EPHA5: variants seen among roughly 807,000 people sequenced by gnomAD.
EPHA5 encodes EPH receptor A5, also known as ephrin type-A receptor 5.
In EPHA5, 60 loss-of-function variants were observed where a neutral mutation model predicts 105.0. That is an observed-to-expected ratio of 0.57 (90% CI 0.46 to 0.71). EPHA5 has a LOEUF of 0.71. EPHA5 is among the 30% of genes least tolerant of loss of function. EPHA5 has a pLI of 0.00. For synonymous variants in EPHA5, 513 were observed against 449.1 expected (o/e 1.14, Z -1.80); for missense variants, 1,218 against 1,274.7 (o/e 0.96, Z 0.68).
chr4:65,379,938 C>T lies in EPHA5; in HGVS notation c.1794-12514G>A, dbSNP rs181878315. 4.2e-4 allele frequency among the ~76,000 whole-genome samples: 64 copies of T among 151,838 alleles called. No homozygotes were observed. The East Asian group carries it at 0.012, about 28-fold the overall frequency. On this transcript the variant is annotated intron_variant, in intron 8 of 16. Coordinates refer to ENST00000613740, the MANE Select transcript of EPHA5 (RefSeq NM_001281766.3). ...AACATCTGAAGTTTAACAATGGCCCCCTAATAACCTTTTAAAATAATTTCT... is the reference window on the plus strand; with the variant it reads ...AACATCTGAAGTTTAACAATGGCCCTCTAATAACCTTTTAAAATAATTTCT...
chr4:65,486,121 A>G (rs1730854617), intron 5 of EPHA5, among the ~76,000 whole-genome samples: 1 of 152,138 alleles, frequency 6.6e-6, no homozygotes, highest in African/African-American at 2.4e-5. Context: ...TACCTGGGAG[A>G]CTTTATTTTT....
chr4:65,473,982 G>C (rs1489513674), intron 5 of EPHA5, among the ~76,000 whole-genome samples: 3 of 148,324 alleles, frequency 2.0e-5, no homozygotes, highest in African/African-American at 7.5e-5. Context: ...TTTACACTTG[G>C]ACACAGGAAG....
intron 9 of EPHA5, among the ~76,000 whole-genome samples, chr4:65,366,775 A>G (rs1176234628): frequency 1.3e-5 from 2 of 151,992 alleles, no homozygotes; most frequent in African/African-American, 2.4e-5. Context: ...CACTTGGCAA[A>G]TCAATTCACA....
At position 65,351,372 on chromosome 4, in the gene EPHA5, A is replaced by G. The variant is rs202005571; in HGVS notation, c.2445+17T>C. The G allele has an allele frequency of 2.5e-5, 40 of 1,610,050 alleles. No homozygotes were observed. The East Asian group carries it at 8.5e-4, about 34-fold the overall frequency. ...GCTCTGGTCTAGTGTTTAGAAATGC[A>G]CTCTGTTAGATCTTACCCTTGTGGT... On this transcript the variant is annotated intron_variant, in intron 13 of 16. Transcript: ENST00000613740.
intron 5 of EPHA5, among the ~76,000 whole-genome samples, chr4:65,430,550 A>C (rs1439878942): frequency 7.5e-6 from 1 of 134,088 alleles, no homozygotes; most frequent in Non-Finnish European, 1.6e-5. Flanking sequence ...TATGTGCCAG[A>C]CAGTTTATAG....
chr4:65,396,729 C>A (rs890046595), intron 8 of EPHA5, among the ~76,000 whole-genome samples: 1 of 152,096 alleles, frequency 6.6e-6, no homozygotes, highest in Non-Finnish European at 1.5e-5. Flanking sequence ...CAAAGAGGGG[C>A]CTTGGTAAAG....
intron 11 of EPHA5, among the ~76,000 whole-genome samples, chr4:65,361,264 C>T (rs1263783046): frequency 3.3e-5 from 5 of 151,486 alleles, no homozygotes; most frequent in African/African-American, 1.2e-4. Flanking sequence ...TCATAGAGGT[C>T]ACATTTGAAT....
At chr4:65,570,470 C>T (rs1740013133) in intron 3 of EPHA5, among the ~76,000 whole-genome samples, 1 of 151,258 alleles carries the variant, frequency 6.6e-6, no homozygotes, top group African/African-American at 2.4e-5. Context: ...CCACTCTACC[C>T]TCATACATAT....
intron 14 of EPHA5, among the ~76,000 whole-genome samples, chr4:65,340,263 G>T (rs78348863): frequency 0.019 from 2,842 of 152,194 alleles, 37 homozygotes; most frequent in Non-Finnish European, 0.029. Flanking sequence ...GAAAGTATGG[G>T]TGTTATTCTT....
At chr4:65,531,770 G>A (rs934692048) in intron 3 of EPHA5, among the ~76,000 whole-genome samples, 15 of 152,116 alleles carry the variant, frequency 9.9e-5, no homozygotes, top group Non-Finnish European at 1.8e-4. Context: ...CAATGATCCA[G>A]GAATCTGATG....
At chr4:65,486,471 C>A (rs1460977030) in intron 5 of EPHA5, among the ~76,000 whole-genome samples, 4 of 151,996 alleles carry the variant, frequency 2.6e-5, no homozygotes, top group African/African-American at 4.8e-5. Flanking sequence ...TTTCCTGTAC[C>A]CCTACAAAAT....
chr4:65,607,333 A>T (rs1309250145), intron 2 of EPHA5, among the ~76,000 whole-genome samples: 1 of 152,164 alleles, frequency 6.6e-6, no homozygotes, highest in Non-Finnish European at 1.5e-5. Context: ...GACAAATGAG[A>T]TATAATTAAA....
At chr4:65,413,408 G>A (rs908083273) in intron 7 of EPHA5, among the ~76,000 whole-genome samples, 13 of 151,942 alleles carry the variant, frequency 8.6e-5, no homozygotes, top group South Asian at 2.1e-4. Flanking sequence ...TTTCAAAGGG[G>A]ATGTATAATA....
intron 2 of EPHA5, among the ~76,000 whole-genome samples, chr4:65,632,332 G>A (rs1746715294): frequency 6.6e-6 from 1 of 152,048 alleles, no homozygotes; most frequent in African/African-American, 2.4e-5. Flanking sequence ...ACAACTCTAG[G>A]AGACATCATT....
At chr4:65,532,262 G>A (rs1389992405) in intron 3 of EPHA5, among the ~76,000 whole-genome samples, 1 of 151,958 alleles carries the variant, frequency 6.6e-6, no homozygotes, top group African/African-American at 2.4e-5. Flanking sequence ...AATTTAATGT[G>A]ACTTTTAAAA....
chr4:65,662,962 A>G (rs1274597174), intron 1 of EPHA5, among the ~76,000 whole-genome samples: 2 of 152,128 alleles, frequency 1.3e-5, no homozygotes, highest in Admixed American at 6.6e-5. Flanking sequence ...TCACTGAGAG[A>G]CACAGAGGAA....
intron 7 of EPHA5, among the ~76,000 whole-genome samples, chr4:65,404,740 T>C (rs891865168): frequency 3.9e-5 from 6 of 152,204 alleles, no homozygotes; most frequent in Admixed American, 2.6e-4. Flanking sequence ...TGAATGCATG[T>C]TGTTTGCATA....
intron 3 of EPHA5, among the ~76,000 whole-genome samples, chr4:65,599,428 T>C (rs972549691): frequency 1.3e-5 from 2 of 151,936 alleles, no homozygotes; most frequent in Admixed American, 6.6e-5. Context: ...ACAATATCTA[T>C]GATGCTTTAG....
chr4:65,533,643 G>A (rs189655494), intron 3 of EPHA5, among the ~76,000 whole-genome samples: 1 of 152,050 alleles, frequency 6.6e-6, no homozygotes, highest in African/African-American at 2.4e-5. Flanking sequence ...CTTATTGAAA[G>A]AGGGATGAGG....
Sources: gnomAD v4.1 joint callset for allele counts (sites outside exome capture counted in the v4.1 genomes callset) on GRCh38, gnomAD v4.1.1 for gene constraint, MANE v1.5 for transcripts, NCBI Gene and HGNC (gene_info 2026-07-23, HGNC 2026-07-21) for gene names.